ZCCHC24: variants seen among roughly 807,000 people sequenced by gnomAD.
The protein encoded by ZCCHC24 is zinc finger CCHC domain-containing protein 24.
ZCCHC24 carries 10 observed loss-of-function variants against 26.2 expected under a neutral mutation model. The ratio of observed to expected loss-of-function variants is 0.38; its 90% CI spans 0.24 to 0.65. The LOEUF (loss-of-function observed/expected upper bound fraction) is 0.65, where lower values mean the gene tolerates loss of function less well. Among genes scored for constraint, ZCCHC24 ranks in the 30% least tolerant of loss-of-function variants. The pLI, the probability that ZCCHC24 is intolerant of heterozygous loss-of-function variation, is 0.54. For missense variants in ZCCHC24, 243 were observed against 329.1 expected (o/e 0.74, Z 2.03); for synonymous variants, 144 against 147.1 (o/e 0.98, Z 0.15).
At chr10:79,415,499 C>G (rs1856847372) in intron 2 of ZCCHC24, among the ~76,000 whole-genome samples, 1 of 152,206 alleles carries the variant, frequency 6.6e-6, no homozygotes, top group Non-Finnish European at 1.5e-5. Context: ...TATTTCTAAC[C>G]TGGAATATTC....
chr10:79,400,538 T>A (rs1247818210), intron 2 of ZCCHC24, among the ~76,000 whole-genome samples: 1 of 152,248 alleles, frequency 6.6e-6, no homozygotes, highest in African/African-American at 2.4e-5. Flanking sequence ...CTGTTGATGA[T>A]CTTACTTCTG....
intron 2 of ZCCHC24, among the ~76,000 whole-genome samples, chr10:79,420,164 C>T (rs189890568): frequency 1.8e-4 from 27 of 151,822 alleles, no homozygotes; most frequent in East Asian, 5.9e-4. Context: ...AGCCCACAGG[C>T]GGCACTGGGC....
At chr10:79,411,801 G>A (rs1400255153) in intron 2 of ZCCHC24, among the ~76,000 whole-genome samples, 5 of 152,038 alleles carry the variant, frequency 3.3e-5, no homozygotes. Context: ...GGAGGCCTCG[G>A]CCCCTCCTGG....
chr10:79,418,747 T>A (rs1315867730), intron 2 of ZCCHC24, among the ~76,000 whole-genome samples: 1 of 151,694 alleles, frequency 6.6e-6, no homozygotes, highest in East Asian at 1.9e-4. Flanking sequence ...AGGGGCCAGA[T>A]GGGGATGGGG....
At chr10:79,400,956 C>A (rs966946352) in intron 2 of ZCCHC24, among the ~76,000 whole-genome samples, 1 of 152,258 alleles carries the variant, frequency 6.6e-6, no homozygotes. Context: ...AGTCCCACCA[C>A]GAGTGAGTGA....
chr10:79,432,666 TGAG>T lies in ZCCHC24; in HGVS notation c.336_338del (p.Phe112_Ser113delinsLeu). On this transcript the variant is annotated inframe_deletion, in exon 2 of 4. Coordinates refer to ENST00000372336, the MANE Select transcript of ZCCHC24 (RefSeq NM_153367.4). Reference sequence around the variant, plus strand: ...GAGCCTCGGAGGTGAGGGTCAGGTCTGAGAAGTGCTCGGTGAGGGAGCTGAGGC... The same window carrying T: ...GAGCCTCGGAGGTGAGGGTCAGGTCTAAGTGCTCGGTGAGGGAGCTGAGGC... The T allele has an allele frequency of 1.9e-6, 3 of 1,609,502 alleles. No homozygotes were observed. Among genetic ancestry groups the T allele is most frequent in the Non-Finnish European group, 1.7e-6 (2 of 1,178,194 alleles).
chr10:79,442,903 C>T (rs1304805814), intron 1 of ZCCHC24, among the ~76,000 whole-genome samples: 2 of 152,136 alleles, frequency 1.3e-5, no homozygotes, highest in African/African-American at 4.8e-5. Flanking sequence ...ATGAGTGAGC[C>T]TGAAGCCAAG....
chr10:79,397,762 G>C lies in ZCCHC24; in HGVS notation c.448-3322C>G, dbSNP rs113014209. Among the ~76,000 whole-genome samples the C allele has an allele frequency of 7.2e-4, 110 of 152,244 alleles. 1 individual carries two copies. Among genetic ancestry groups the C allele is most frequent in the African/African-American group, 2.3e-3 (97 of 41,536 alleles). ...AGAGAGCTCACAGGACCTGGTGCCT[G>C]GCCTCACACAGTTGGGGCAAAGGAC... On this transcript the variant is annotated intron_variant, in intron 2 of 3. Coordinates refer to ENST00000372336, the MANE Select transcript of ZCCHC24 (RefSeq NM_153367.4).
chr10:79,407,465 C>T (rs941869886), intron 2 of ZCCHC24, among the ~76,000 whole-genome samples: 4 of 152,242 alleles, frequency 2.6e-5, no homozygotes, highest in Non-Finnish European at 4.4e-5. Context: ...ACAGGACCAT[C>T]GGGGCATTGG....
In ZCCHC24 at chr10:79,394,285, T is replaced by G. The variant is rs548888406; in HGVS notation, c.603A>C (p.Pro201=). Reference sequence around the variant, plus strand: ...AGCCTGCCCGGCTCACCTGCTTGTGTGGATACACGTTGATGTGGCACTTGA... The same window carrying G: ...AGCCTGCCCGGCTCACCTGCTTGTGGGGATACACGTTGATGTGGCACTTGA... ...ECIKCHINVY[P]HKQRPLEKPD... Residue 201 remains proline, a synonymous_variant, in exon 3 of 4, where the codon CCA becomes CCC. Transcript: ENST00000372336. 6.2e-7 allele frequency: 1 copy of G among 1,613,760 alleles called. No homozygotes were observed. Among genetic ancestry groups the G allele is most frequent in the East Asian group, 2.2e-5 (1 of 44,876 alleles).
intron 1 of ZCCHC24, among the ~76,000 whole-genome samples, chr10:79,444,910 C>A (rs778692199): frequency 2.6e-4 from 40 of 152,208 alleles, no homozygotes; most frequent in Non-Finnish European, 5.4e-4. Flanking sequence ...CCTCCCCCAA[C>A]CCCTTTGGAG....
At chr10:79,435,741 C>T (rs1423284076) in intron 1 of ZCCHC24, among the ~76,000 whole-genome samples, 1 of 152,230 alleles carries the variant, frequency 6.6e-6, no homozygotes, top group African/African-American at 2.4e-5. Context: ...CCAGCCAGGC[C>T]CCAGGGCCAG....
At chr10:79,430,912 C>T (rs1331827750) in intron 2 of ZCCHC24, among the ~76,000 whole-genome samples, 1 of 152,196 alleles carries the variant, frequency 6.6e-6, no homozygotes, top group Non-Finnish European at 1.5e-5. Context: ...GATTAAAATC[C>T]CAGCTCTTCC....
At chr10:79,422,274 G>A (rs1220858827) in intron 2 of ZCCHC24, among the ~76,000 whole-genome samples, 1 of 152,040 alleles carries the variant, frequency 6.6e-6, no homozygotes, top group Admixed American at 6.6e-5. Context: ...AGCCACTCTG[G>A]TCCCAGAGGA....
intron 2 of ZCCHC24, among the ~76,000 whole-genome samples, chr10:79,401,264 A>G (rs542930403): frequency 1.7e-4 from 26 of 152,298 alleles, no homozygotes; most frequent in African/African-American, 6.0e-4. Flanking sequence ...CCATCTGCAC[A>G]GGGGCGCAGG....
chr10:79,436,268 A>G (rs1290511104), intron 1 of ZCCHC24, among the ~76,000 whole-genome samples: 1 of 152,046 alleles, frequency 6.6e-6, no homozygotes, highest in African/African-American at 2.4e-5. Context: ...GCCCTTCTCT[A>G]TGTCCATCCA....
At chr10:79,421,975 G>A (rs1856943310) in intron 2 of ZCCHC24, among the ~76,000 whole-genome samples, 1 of 152,120 alleles carries the variant, frequency 6.6e-6, no homozygotes, top group Non-Finnish European at 1.5e-5. Flanking sequence ...CCAGTGTTGT[G>A]AGAAAACCTC....
At chr10:79,397,519 A>C (rs1856562403) in intron 2 of ZCCHC24, among the ~76,000 whole-genome samples, 1 of 152,072 alleles carries the variant, frequency 6.6e-6, no homozygotes, top group Admixed American at 6.5e-5. Context: ...CACCCCCTCT[A>C]TCACAACCCC....
In ZCCHC24 at chr10:79,416,328, T is replaced by C. The variant is rs184897140; in HGVS notation, c.447+16230A>G. Among the ~76,000 whole-genome samples the C allele has an allele frequency of 6.6e-5, 10 of 152,328 alleles. No homozygotes were observed. The East Asian group carries it at 1.9e-3, about 29-fold the overall frequency. On this transcript the variant is annotated intron_variant, in intron 2 of 3. Transcript: ENST00000372336. ...TGCTCCTTCCTCTAAACTCCTCACC[T>C]ATGGCTGGTTAGAACCAAACGCGTT...
Sources: gnomAD v4.1 joint callset for allele counts (sites outside exome capture counted in the v4.1 genomes callset) on GRCh38, gnomAD v4.1.1 for gene constraint, MANE v1.5 for transcripts, NCBI Gene and HGNC (gene_info 2026-07-23, HGNC 2026-07-21) for gene names.